The following ABRACL variants were observed in gnomAD, a reference collection of about 807,000 sequenced individuals.
ABRACL encodes costars family protein ABRACL.
Under a neutral mutation model 7.0 loss-of-function variants are expected in ABRACL, and 4 were observed. The observed-to-expected ratio is 0.57, with a 90% CI of 0.28 to 1.30. The LOEUF (loss-of-function observed/expected upper bound fraction) is 1.30. Among genes scored for constraint, ABRACL ranks in the 50% most tolerant of loss-of-function variants. The pLI, the probability that ABRACL is intolerant of heterozygous loss-of-function variation, is 0.10. For missense variants in ABRACL, 104 were observed against 97.3 expected, an observed-to-expected ratio of 1.07 and a Z score of -0.29; for synonymous variants, 30 against 36.0, an observed-to-expected ratio of 0.83 and a Z score of 0.60.
At chr6:139,034,402 G>A (rs1347178660) in intron 2 of ABRACL, 181 bp downstream of exon 2, 1 of 1,543,184 alleles carries the variant, frequency 6.5e-7, no homozygotes. Flanking sequence ...GAGACACGGG[G>A]CTTTTGGGGT....
intron 1 of ABRACL, 137 bp from the exon 2 acceptor site, chr6:139,034,018 C>CA (rs2114302665): frequency 8.2e-7 from 1 of 1,217,492 alleles, no homozygotes; most frequent in East Asian, 2.5e-5. Context: ...ATGCATCACA[C>CA]AAATATTTTT....
chr6:139,034,175 C>G lies in ABRACL; in HGVS notation c.15C>G (p.His5Gln), dbSNP rs369471986. The change falls in exon 2 of 3, where the codon CAC becomes CAG. Residue 5 changes from histidine to glutamine, a missense_variant. By Grantham distance (24) the His-to-Gln change is conservative (BLOSUM62 0). Transcript: ENST00000367660. MNVD[H>Q]EVNLLVEEIH... ...CCCAGGCAGCAATGAATGTGGATCA[C>G]GAGGTTAACCTCTTAGTGGAGGAAA... is the stretch of plus-strand genomic sequence containing the variant. The G allele has an allele frequency of 1.9e-6, 3 of 1,614,210 alleles. No individual in the cohort carries two copies. In the East Asian group the frequency reaches 6.7e-5, roughly 36 times the overall value.
intron 1 of ABRACL, among the ~76,000 whole-genome samples, chr6:139,032,408 A>C (rs981631607): frequency 6.6e-6 from 1 of 152,240 alleles, no homozygotes; most frequent in African/African-American, 2.4e-5. Flanking sequence ...GAACACTATA[A>C]ATTTTCATAT....
In ABRACL at chr6:139,042,747, T is replaced by A. The variant is rs754648030; in HGVS notation, c.90T>A (p.Phe30Leu). 1.9e-6 allele frequency: 3 copies of A among 1,611,748 alleles called. No homozygotes were observed. Among genetic ancestry groups the A allele is most frequent in the Middle Eastern group, 3.3e-4 (2 of 6,052 alleles). ...CTGATGGAAAGTTAAGCGTGAAATT[T>A]GGGGTCCTCTTCCGTGATGATAAAT... ...KNADGKLSVK[F>L]GVLFRDDKCA... The change falls in exon 3 of 3, where the codon TTT becomes TTA. Residue 30 changes from phenylalanine to leucine, a missense_variant. Coordinates refer to ENST00000367660, the MANE Select transcript of ABRACL (RefSeq NM_021243.3).
chr6:139,039,093 G>A (rs1290772725), intron 2 of ABRACL, among the ~76,000 whole-genome samples: 2 of 151,946 alleles, frequency 1.3e-5, no homozygotes, highest in African/African-American at 2.4e-5. Context: ...GCCTCGTGGC[G>A]GGTGCCTGTA....
chr6:139,030,524 C>T (rs1398254153), intron 1 of ABRACL, among the ~76,000 whole-genome samples: 1 of 152,160 alleles, frequency 6.6e-6, no homozygotes, highest in Non-Finnish European at 1.5e-5. Context: ...AGGTATTTTT[C>T]CCCCTTTGTC....
chr6:139,034,614 T>C, intron 2 of ABRACL: 1 of 444,524 alleles, frequency 2.2e-6, no homozygotes, highest in Non-Finnish European at 3.9e-6. Flanking sequence ...CAAATCATCT[T>C]ATCTAAAATA....
At chr6:139,032,153 A>T (rs1181649286) in intron 1 of ABRACL, among the ~76,000 whole-genome samples, 1 of 151,304 alleles carries the variant, frequency 6.6e-6, no homozygotes, top group Non-Finnish European at 1.5e-5. Context: ...TTTAGTAGAG[A>T]CGGGGTTTCA....
intron 1 of ABRACL, among the ~76,000 whole-genome samples, chr6:139,032,872 C>G (rs1194875917): frequency 6.6e-6 from 1 of 152,178 alleles, no homozygotes; most frequent in Non-Finnish European, 1.5e-5. Context: ...TTTCTTTACC[C>G]TCTACTCTTA....
At chr6:139,037,996 C>T (rs886124118) in intron 2 of ABRACL, among the ~76,000 whole-genome samples, 2 of 152,002 alleles carry the variant, frequency 1.3e-5, no homozygotes, top group Non-Finnish European at 2.9e-5. Context: ...AGGCTGGTCT[C>T]GAACTCCTGG....
chr6:139,034,570 T>C (rs1438131373), intron 2 of ABRACL: 1 of 677,164 alleles, frequency 1.5e-6, no homozygotes, highest in Non-Finnish European at 2.3e-6. Context: ...TTTTCTGCCT[T>C]GTTCTGCCAT....
Position 139,030,362 on chromosome 6 carries a change from T to A in ABRACL, c.-7+1487T>A, listed in dbSNP as rs182943290. Among the ~76,000 whole-genome samples, 46 of 152,338 alleles carry A rather than the reference T, an allele frequency of 3.0e-4. No individual in the cohort carries two copies. In the East Asian group the frequency reaches 8.3e-3, roughly 27 times the overall value. On this transcript the variant is annotated intron_variant, in intron 1 of 2. Transcript: ENST00000367660. ...GAACTATAGTCACCCCACTGATCAA[T>A]GCAACACCAGGTCTTATTTCTTCTG...
intron 2 of ABRACL, among the ~76,000 whole-genome samples, chr6:139,035,065 C>T (rs895707045): frequency 6.6e-6 from 1 of 152,182 alleles, no homozygotes; most frequent in African/African-American, 2.4e-5. Flanking sequence ...ACCTCACAAG[C>T]TCTCAAGATT....
chr6:139,033,862 C>T (rs965535872), intron 1 of ABRACL, among the ~76,000 whole-genome samples: 10 of 149,990 alleles, frequency 6.7e-5, no homozygotes, highest in African/African-American at 2.5e-4. Flanking sequence ...CATAGTGAAT[C>T]GTGGGTGCAA....
intron 1 of ABRACL, among the ~76,000 whole-genome samples, chr6:139,032,012 G>A (rs975390963): frequency 8.6e-5 from 13 of 151,130 alleles, no homozygotes; most frequent in South Asian, 2.1e-4. Flanking sequence ...CCAGGTTGGA[G>A]TGCAGTGGCG....
chr6:139,040,487 A>AG (rs1786227915), intron 2 of ABRACL, among the ~76,000 whole-genome samples: 1 of 152,216 alleles, frequency 6.6e-6, no homozygotes, highest in Non-Finnish European at 1.5e-5. Context: ...TGGGGACTCT[A>AG]TAAGAGGCTT....
At chr6:139,037,480 C>T (rs138286554) in intron 2 of ABRACL, among the ~76,000 whole-genome samples, 10,661 of 152,122 alleles carry the variant, frequency 0.07, 515 homozygotes, top group Middle Eastern at 0.14. Context: ...AGGCTGGTCT[C>T]GAACTTCTGG....
At chr6:139,039,628 C>T (rs181814636) in intron 2 of ABRACL, among the ~76,000 whole-genome samples, 126 of 152,276 alleles carry the variant, frequency 8.3e-4, no homozygotes, top group African/African-American at 3.0e-3. Flanking sequence ...AACACGGGCA[C>T]TGTTACAAAG....
At chr6:139,041,527 A>AT (rs1250506796) in intron 2 of ABRACL, among the ~76,000 whole-genome samples, 3 of 41,974 alleles carry the variant, frequency 7.1e-5, no homozygotes, top group African/African-American at 3.4e-4. Flanking sequence ...ATATATATAT[A>AT]TATATTTTTT....
Sources: gnomAD v4.1 joint callset for allele counts (sites outside exome capture counted in the v4.1 genomes callset) on GRCh38, gnomAD v4.1.1 for gene constraint, MANE v1.5 for transcripts, NCBI Gene and HGNC (gene_info 2026-07-23, HGNC 2026-07-21) for gene names.